The following DCC variants were observed in gnomAD, a reference collection of about 807,000 sequenced individuals.
DCC encodes netrin receptor DCC.
A neutral mutation model predicts 172.5 loss-of-function variants in DCC; 58 were observed. The ratio of observed to expected loss-of-function variants is 0.34; its 90% CI spans 0.27 to 0.42. The LOEUF (loss-of-function observed/expected upper bound fraction) is 0.42, where lower values mean the gene tolerates loss of function less well. Among genes scored for constraint, DCC ranks in the 10% least tolerant of loss-of-function variants. The pLI is 1.00. For missense variants in DCC, 1,740 were observed against 1,791.0 expected, an observed-to-expected ratio of 0.97 and a Z score of 0.51; for synonymous variants, 709 against 644.5, an observed-to-expected ratio of 1.10 and a Z score of -1.52.
At chr18:53,424,819 A>T (rs1159238912) in intron 21 of DCC, among the ~76,000 whole-genome samples, 4 of 152,136 alleles carry the variant, frequency 2.6e-5, no homozygotes, top group Non-Finnish European at 5.9e-5. Flanking sequence ...TATGGCAGAG[A>T]CCTATGTTGG....
intron 10 of DCC, 93 bp from the exon 11 acceptor site, chr18:53,207,586 G>C: frequency 8.3e-7 from 1 of 1,198,812 alleles, no homozygotes; most frequent in Non-Finnish European, 1.2e-6. Flanking sequence ...GTTTGTAAGA[G>C]TCTAATGTCC....
intron 14 of DCC, among the ~76,000 whole-genome samples, chr18:53,330,442 A>T (rs1276615926): frequency 1.3e-5 from 2 of 151,960 alleles, no homozygotes; most frequent in Non-Finnish European, 2.9e-5. Context: ...CACACCCACC[A>T]CCACACTTTA....
intron 15 of DCC, among the ~76,000 whole-genome samples, chr18:53,355,334 G>A (rs1454672228): frequency 2.6e-5 from 4 of 152,060 alleles, no homozygotes; most frequent in African/African-American, 9.7e-5. Flanking sequence ...GCTTGATGGA[G>A]ATGGCATTGA....
chr18:53,046,675 T>C (rs1322695580), intron 5 of DCC, among the ~76,000 whole-genome samples: 1 of 151,930 alleles, frequency 6.6e-6, no homozygotes, highest in East Asian at 1.9e-4. Flanking sequence ...TCCACATAAC[T>C]TGAAAACACA....
chr18:53,430,211 G>A (rs984219342), intron 21 of DCC, among the ~76,000 whole-genome samples: 2 of 152,092 alleles, frequency 1.3e-5, no homozygotes, highest in African/African-American at 4.8e-5. Context: ...AGATATCTCA[G>A]TGCTCAGCAC....
At chr18:53,374,410 TACAC>T (rs1284269502) in intron 15 of DCC, among the ~76,000 whole-genome samples, 2 of 152,148 alleles carry the variant, frequency 1.3e-5, no homozygotes, top group South Asian at 2.1e-4. Context: ...TTTAAATAAA[TACAC>T]ACATATATGC....
chr18:52,551,969 G>A (rs542477028), intron 1 of DCC, among the ~76,000 whole-genome samples: 2 of 151,908 alleles, frequency 1.3e-5, no homozygotes, highest in Non-Finnish European at 2.9e-5. Flanking sequence ...TTTGGTGTGG[G>A]GGGTATTGAT....
chr18:53,182,857 A>G (rs373500430), intron 9 of DCC, among the ~76,000 whole-genome samples: 10 of 151,998 alleles, frequency 6.6e-5, no homozygotes, highest in African/African-American at 2.4e-4. Flanking sequence ...TTATAAGCCC[A>G]TCTTTCTGTC....
At position 53,389,158 on chromosome 18, in the gene DCC, C is replaced by T. The variant is rs145539667; in HGVS notation, c.2456-2497C>T. Among the ~76,000 whole-genome samples, 143 of 152,192 alleles carry T rather than the reference C, an allele frequency of 9.4e-4. 1 individual carries two copies. The highest frequency in any genetic ancestry group is 1.6e-3 in the Non-Finnish European group (112 of 68,014). On this transcript the variant is annotated intron_variant, in intron 16 of 28. Coordinates refer to ENST00000442544, the MANE Select transcript of DCC (RefSeq NM_005215.4). The stretch of plus-strand genomic sequence containing the variant: ...ACAAAAACACCTGTTAGGAATTGAA[C>T]GGATTTCTTTCTCAGCAAAAGTTTG...
chr18:53,052,391 T>C (rs916817352), intron 5 of DCC, among the ~76,000 whole-genome samples: 8 of 152,076 alleles, frequency 5.3e-5, no homozygotes, highest in African/African-American at 1.9e-4. Context: ...TCTTCCTCCC[T>C]CCCCATCCCC....
chr18:53,474,784 T>C lies in DCC; in HGVS notation c.3736+6774T>C, dbSNP rs144654683. On this transcript the variant is annotated intron_variant, in intron 25 of 28. Coordinates refer to ENST00000442544, the MANE Select transcript of DCC (RefSeq NM_005215.4). ...TGGGAGTGGGGCATTGCTGTTAAGATACTCAAAAATGTGGAAGTGACTTTG... is the reference window on the plus strand; with the variant it reads ...TGGGAGTGGGGCATTGCTGTTAAGACACTCAAAAATGTGGAAGTGACTTTG... Among the ~76,000 whole-genome samples, 4 of 152,342 alleles carry C rather than the reference T, an allele frequency of 2.6e-5. No homozygotes were observed. In the East Asian group the frequency reaches 7.7e-4, roughly 29 times the overall value.
chr18:53,047,312 TTA>T (rs1255689776), intron 5 of DCC, among the ~76,000 whole-genome samples: 1 of 20,254 alleles, frequency 4.9e-5, no homozygotes, highest in Non-Finnish European at 1.1e-4. Context: ...ATATATAATT[TTA>T]TATATATATA....
intron 1 of DCC, among the ~76,000 whole-genome samples, chr18:52,397,248 C>T (rs1033396623): frequency 6.6e-6 from 1 of 151,982 alleles, no homozygotes; most frequent in African/African-American, 2.4e-5. Flanking sequence ...GAAGAGCTCC[C>T]AAAACGCATA....
intron 5 of DCC, among the ~76,000 whole-genome samples, chr18:53,051,162 C>G (rs973646222): frequency 6.6e-6 from 1 of 151,972 alleles, no homozygotes; most frequent in African/African-American, 2.4e-5. Context: ...CCTGGGAGGT[C>G]GAGGCTGCAG....
At chr18:52,356,198 T>C (rs1984356438) in intron 1 of DCC, among the ~76,000 whole-genome samples, 1 of 152,150 alleles carries the variant, frequency 6.6e-6, no homozygotes, top group Non-Finnish European at 1.5e-5. Flanking sequence ...ATAATAGTTT[T>C]AAGGAGGTCT....
intron 2 of DCC, among the ~76,000 whole-genome samples, chr18:52,894,471 A>G (rs117601667): frequency 0.087 from 12,976 of 149,782 alleles, 925 homozygotes; most frequent in East Asian, 0.3. Flanking sequence ...ATATTAATAT[A>G]TGTTTATGTG....
chr18:52,401,953 C>T (rs1986455985), intron 1 of DCC, among the ~76,000 whole-genome samples: 1 of 151,884 alleles, frequency 6.6e-6, no homozygotes, highest in African/African-American at 2.4e-5. Flanking sequence ...ACTGCCTTTT[C>T]TGGAAGAAAA....
intron 2 of DCC, among the ~76,000 whole-genome samples, chr18:52,761,363 G>A (rs1008555110): frequency 6.6e-6 from 1 of 152,162 alleles, no homozygotes; most frequent in African/African-American, 2.4e-5. Context: ...TTGGGACACA[G>A]TCAAATCATA....
intron 2 of DCC, among the ~76,000 whole-genome samples, chr18:52,895,136 C>T (rs933203683): frequency 6.6e-6 from 1 of 152,202 alleles, no homozygotes; most frequent in Non-Finnish European, 1.5e-5. Flanking sequence ...ATCATACCAA[C>T]TTAAAGAGTT....
Sources: allele counts gnomAD v4.1 joint callset (sites outside exome capture counted in the v4.1 genomes callset), GRCh38; gene constraint gnomAD v4.1.1; transcripts MANE v1.5; gene names NCBI Gene and HGNC (gene_info 2026-07-23, HGNC 2026-07-21).